Variants in NECAB1 observed in about 807,000 individuals in gnomAD.
NECAB1 encodes the protein N-terminal EF-hand calcium binding protein 1.
NECAB1 carries 29 observed loss-of-function variants against 57.5 expected under a neutral mutation model. The observed-to-expected ratio is 0.50, with a 90% CI of 0.38 to 0.69. The LOEUF (loss-of-function observed/expected upper bound fraction) is 0.69, where lower values mean the gene tolerates loss of function less well. Ranked by LOEUF, NECAB1 falls within the 30% of genes least tolerant of loss-of-function variation. NECAB1 has a pLI of 0.00. For missense variants in NECAB1, 372 were observed against 413.8 expected (o/e 0.90, Z 0.88); for synonymous variants, 142 against 147.7 (o/e 0.96, Z 0.28).
chr8:90,840,129 A>T (rs572127571), intron 3 of NECAB1, among the ~76,000 whole-genome samples: 1 of 152,224 alleles, frequency 6.6e-6, no homozygotes. Flanking sequence ...AATGGTTAAC[A>T]TATATGGCTC....
At chr8:90,899,320 T>C (rs923399881) in intron 5 of NECAB1, among the ~76,000 whole-genome samples, 1 of 152,146 alleles carries the variant, frequency 6.6e-6, no homozygotes, top group East Asian at 1.9e-4. Context: ...TATACCAGGA[T>C]GTGATTTGAG....
chr8:90,955,112 TTATATATATA>T lies in NECAB1; in HGVS notation c.1031-347_1031-338del, dbSNP rs59244524. On this transcript the variant is annotated intron_variant, in intron 12 of 12. Transcript: ENST00000417640. ...ATTTCATAAATATTGGGTATATAAA[TTATATATATA>T]TATATATATATATATATATATATAT... 9.6e-3 allele frequency among the ~76,000 whole-genome samples: 680 copies of T among 70,800 alleles called. 14 individuals carry two copies. Among genetic ancestry groups the T allele is most frequent in the Middle Eastern group, 0.026 (3 of 114 alleles). 46.4% of individuals were successfully genotyped at this position (70,800 alleles called of 152,430 possible).
chr8:90,872,103 G>GTT, intron 3 of NECAB1, 25 bp from the exon 4 acceptor site: 4 of 1,494,162 alleles, frequency 2.7e-6, no homozygotes, highest in Admixed American at 2.1e-5. Context: ...TAATAACACT[G>GTT]TTTTTTTTTG....
rs535464649 is a variant in NECAB1, at chr8:90,814,449, T to A, written c.125-10268T>A. Among the ~76,000 whole-genome samples the A allele has an allele frequency of 4.6e-5, 7 of 152,236 alleles. No homozygotes were observed. In the East Asian group the frequency reaches 1.2e-3, roughly 25 times the overall value. ...CAACCCACACCCAAGGAGAGGGGAG[T>A]TATGCTCTACCTCTTTGATGGTTGA... On this transcript the variant is annotated intron_variant, in intron 2 of 12. Transcript: ENST00000417640.
intron 9 of NECAB1, among the ~76,000 whole-genome samples, chr8:90,939,841 T>C (rs1752586775): frequency 1.3e-5 from 2 of 152,230 alleles, no homozygotes; most frequent in Admixed American, 1.3e-4. Context: ...CCCATTGGAA[T>C]AGAAAACAGT....
intron 8 of NECAB1, among the ~76,000 whole-genome samples, chr8:90,932,367 A>G (rs1316389453): frequency 6.6e-6 from 1 of 152,204 alleles, no homozygotes; most frequent in African/African-American, 2.4e-5. Flanking sequence ...CAGTGGAAAT[A>G]CAGCAGTGAT....
intron 5 of NECAB1, among the ~76,000 whole-genome samples, chr8:90,913,767 AC>A (rs1293827794): frequency 1.3e-5 from 2 of 152,202 alleles, no homozygotes; most frequent in Non-Finnish European, 2.9e-5. Context: ...TTCCAAAGGA[AC>A]ATCTGCTGCA....
Position 90,958,595 on chromosome 8 carries a change from C to T in NECAB1, c.*3083C>T, listed in dbSNP as rs938993747. On this transcript the variant is annotated 3_prime_UTR_variant, in exon 13 of 13. Transcript: ENST00000417640. ...ATGAAATCAGTGGGAAGCAGAACAA[C>T]AGAAGGAACTTTAAAAGCAACAAGC... 5.9e-6 allele frequency: 1 copy of T among 169,060 alleles called. No homozygotes were observed. The highest frequency in any genetic ancestry group is 1.3e-5 in the Non-Finnish European group (1 of 79,896). The allele number at this position is 169,060 out of a possible 1,614,324, so 10.5% of individuals were successfully genotyped here.
chr8:90,875,175 T>C (rs1388141910), intron 4 of NECAB1, among the ~76,000 whole-genome samples: 2 of 152,026 alleles, frequency 1.3e-5, no homozygotes, highest in African/African-American at 2.4e-5. Flanking sequence ...GATCTTGAAG[T>C]TGGTAGTTAA....
intron 5 of NECAB1, among the ~76,000 whole-genome samples, chr8:90,889,626 A>T (rs1440032090): frequency 6.6e-6 from 1 of 152,194 alleles, no homozygotes; most frequent in Non-Finnish European, 1.5e-5. Flanking sequence ...GCTCACTTAC[A>T]TGGCTGCTGA....
At chr8:90,908,518 T>C (rs1370531813) in intron 5 of NECAB1, among the ~76,000 whole-genome samples, 1 of 152,186 alleles carries the variant, frequency 6.6e-6, no homozygotes, top group Non-Finnish European at 1.5e-5. Flanking sequence ...TTTCTTGTCC[T>C]ACTGCCTGCC....
At chr8:90,864,836 G>A (rs2129822424) in intron 3 of NECAB1, among the ~76,000 whole-genome samples, 1 of 152,194 alleles carries the variant, frequency 6.6e-6, no homozygotes, top group Non-Finnish European at 1.5e-5. Flanking sequence ...GAGGTAAGGG[G>A]GAGCCTAAGA....
chr8:90,908,705 C>T (rs1055989428), intron 5 of NECAB1, among the ~76,000 whole-genome samples: 1 of 152,116 alleles, frequency 6.6e-6, no homozygotes, highest in Non-Finnish European at 1.5e-5. Context: ...ATAAGGCAAA[C>T]ACTCTTGAAT....
chr8:90,913,096 C>G (rs981365364), intron 5 of NECAB1, among the ~76,000 whole-genome samples: 1 of 152,106 alleles, frequency 6.6e-6, no homozygotes, highest in East Asian at 1.9e-4. Flanking sequence ...CTAATTAACT[C>G]AGATGATTCT....
intron 8 of NECAB1, among the ~76,000 whole-genome samples, chr8:90,930,916 A>G (rs1331479390): frequency 6.6e-6 from 1 of 152,212 alleles, no homozygotes; most frequent in Non-Finnish European, 1.5e-5. Flanking sequence ...TAAAAATACA[A>G]ATACCTCTTT....
intron 9 of NECAB1, among the ~76,000 whole-genome samples, chr8:90,936,805 A>T (rs566247035): frequency 2.5e-4 from 36 of 146,122 alleles, no homozygotes; most frequent in Non-Finnish European, 4.4e-4. Context: ...TTTTAAGTCC[A>T]TTTTTTTTTT....
chr8:90,907,284 G>T (rs992641072), intron 5 of NECAB1, among the ~76,000 whole-genome samples: 1 of 151,904 alleles, frequency 6.6e-6, no homozygotes, highest in Admixed American at 6.6e-5. Context: ...TTCTGAGCCT[G>T]TCTAGATACT....
chr8:90,805,659 G>A (rs192570150), intron 2 of NECAB1, among the ~76,000 whole-genome samples: 19 of 151,618 alleles, frequency 1.3e-4, no homozygotes, highest in African/African-American at 4.6e-4. Flanking sequence ...CTTATTTACA[G>A]GTTGAATGAA....
intron 2 of NECAB1, among the ~76,000 whole-genome samples, chr8:90,810,045 G>A (rs1811930590): frequency 6.6e-6 from 1 of 152,072 alleles, no homozygotes; most frequent in South Asian, 2.1e-4. Context: ...TGAGACATAG[G>A]GAACTCGTCC....
Sources: gnomAD v4.1 joint callset for allele counts (sites outside exome capture counted in the v4.1 genomes callset) on GRCh38, gnomAD v4.1.1 for gene constraint, MANE v1.5 for transcripts, NCBI Gene and HGNC (gene_info 2026-07-23, HGNC 2026-07-21) for gene names.